ZNF148: variants seen among roughly 807,000 people sequenced by gnomAD.
ZNF148 encodes Beta-Enolase Repressor Factor-1.
In ZNF148, 7 loss-of-function variants were observed where a neutral mutation model predicts 67.7. The observed-to-expected ratio is 0.10, with a 90% CI of 0.06 to 0.19. The LOEUF is 0.19. Among genes scored for constraint, ZNF148 ranks in the 10% least tolerant of loss-of-function variants. The pLI, the probability that ZNF148 is intolerant of heterozygous loss-of-function variation, is 1.00. For missense variants in ZNF148, 583 were observed against 947.1 expected, an observed-to-expected ratio of 0.62 and a Z score of 5.05; for synonymous variants, 333 against 330.7, an observed-to-expected ratio of 1.01 and a Z score of -0.08.
intron 5 of ZNF148, among the ~76,000 whole-genome samples, chr3:125,282,631 A>T (rs1350559645): frequency 6.6e-6 from 1 of 152,154 alleles, no homozygotes; most frequent in African/African-American, 2.4e-5. Flanking sequence ...TATCAAATGG[A>T]ATTTCTCAGT....
chr3:125,310,503 A>G (rs1416060050), intron 4 of ZNF148, among the ~76,000 whole-genome samples: 1 of 152,210 alleles, frequency 6.6e-6, no homozygotes, highest in African/African-American at 2.4e-5. Flanking sequence ...GTATGAATGC[A>G]TATATTAGAA....
chr3:125,252,321 T>C (rs956495270), intron 7 of ZNF148, among the ~76,000 whole-genome samples: 2 of 152,152 alleles, frequency 1.3e-5, no homozygotes, highest in Non-Finnish European at 2.9e-5. Flanking sequence ...AGTTGTGACA[T>C]TATTCTCTGA....
intron 7 of ZNF148, among the ~76,000 whole-genome samples, chr3:125,255,141 A>G (rs1357132141): frequency 1.3e-5 from 2 of 151,914 alleles, no homozygotes; most frequent in Admixed American, 6.6e-5. Flanking sequence ...TCAGACTACA[A>G]ATATTTTAAG....
intron 1 of ZNF148, among the ~76,000 whole-genome samples, chr3:125,354,756 T>C (rs1227517402): frequency 6.6e-6 from 1 of 152,236 alleles, no homozygotes; most frequent in Admixed American, 6.5e-5. Flanking sequence ...AAAAATTGTA[T>C]GTGGTCTTTT....
intron 4 of ZNF148, among the ~76,000 whole-genome samples, chr3:125,296,093 A>G (rs1272333709): frequency 6.6e-6 from 1 of 151,536 alleles, no homozygotes; most frequent in East Asian, 1.9e-4. Context: ...CTGCCTTTCA[A>G]TATATCATCC....
At chr3:125,272,470 T>C (rs1033370689) in intron 7 of ZNF148, among the ~76,000 whole-genome samples, 6 of 152,226 alleles carry the variant, frequency 3.9e-5, no homozygotes, top group Admixed American at 1.3e-4. Context: ...AATTGAAAAC[T>C]GGGCAACTTT....
intron 3 of ZNF148, among the ~76,000 whole-genome samples, chr3:125,320,605 A>G (rs768264055): frequency 3.3e-5 from 5 of 152,210 alleles, no homozygotes; most frequent in Non-Finnish European, 5.9e-5. Flanking sequence ...TTCTGAACCT[A>G]ATCATCATCG....
intron 7 of ZNF148, among the ~76,000 whole-genome samples, chr3:125,252,766 CAAAAA>C (rs35108764): frequency 5.7e-5 from 7 of 123,856 alleles, no homozygotes; most frequent in Non-Finnish European, 8.4e-5. Context: ...GACTCTGTCT[CAAAAA>C]AAAAAAAAAA....
At chr3:125,265,385 T>C (rs1240787466) in intron 7 of ZNF148, among the ~76,000 whole-genome samples, 2 of 152,246 alleles carry the variant, frequency 1.3e-5, no homozygotes, top group African/African-American at 4.8e-5. Flanking sequence ...AGCCAGTCTC[T>C]AGCATTTTTG....
intron 7 of ZNF148, among the ~76,000 whole-genome samples, chr3:125,252,352 A>G (rs1936875450): frequency 2.2e-5 from 2 of 91,238 alleles, no homozygotes; most frequent in Non-Finnish European, 6.8e-5. Flanking sequence ...TAGAAGTTTC[A>G]TTATTAAAAA....
At chr3:125,344,409 C>T in intron 1 of ZNF148, 4 of 720,126 alleles carry the variant, frequency 5.6e-6, no homozygotes, top group Middle Eastern at 3.9e-4. Flanking sequence ...TTGGCCTCCT[C>T]AGGGACCCCA....
chr3:125,307,461 C>G (rs1233929141), intron 4 of ZNF148, among the ~76,000 whole-genome samples: 2 of 152,120 alleles, frequency 1.3e-5, no homozygotes, highest in Non-Finnish European at 2.9e-5. Context: ...TGCTACCACG[C>G]CCGGCTAATT....
At chr3:125,255,830 T>G (rs1937048809) in intron 7 of ZNF148, among the ~76,000 whole-genome samples, 1 of 152,118 alleles carries the variant, frequency 6.6e-6, no homozygotes, top group East Asian at 1.9e-4. Flanking sequence ...TTCTTACTGG[T>G]TCTTTGAGGA....
chr3:125,256,753 T>C (rs1182260473), intron 7 of ZNF148, among the ~76,000 whole-genome samples: 4 of 152,162 alleles, frequency 2.6e-5, no homozygotes, highest in Non-Finnish European at 4.4e-5. Context: ...AAATTATCCT[T>C]TCCTACTAGT....
At chr3:125,290,500 A>G (rs536855429) in intron 4 of ZNF148, among the ~76,000 whole-genome samples, 1 of 152,278 alleles carries the variant, frequency 6.6e-6, no homozygotes, top group South Asian at 2.1e-4. Context: ...TCTTACTTTT[A>G]TATTTAACTA....
Position 125,288,184 on chromosome 3 carries a change from T to A in ZNF148, c.378A>T (p.Gln126His). The A allele has an allele frequency of 1.2e-6, 2 of 1,613,800 alleles. No homozygotes were observed. Among genetic ancestry groups the A allele is most frequent in the Non-Finnish European group, 1.7e-6 (2 of 1,179,856 alleles). The part of the protein sequence containing the change: ...QEITFTDVSE[Q>H]LMRDKKQIRE... ...TGATTTGTTTTTTGTCTCTCATCAG[T>A]TGCTCAGATACATCAGTAAAAGTAA... The change falls in exon 5 of 9, where the codon CAA (glutamine) becomes CAT (histidine). Residue 126 changes from glutamine (Q) to histidine (H), a missense_variant. Around this residue, in one of 5 missense-constraint regions of ZNF148, gnomAD observed 150 missense variants for 202.5 expected, o/e 0.74. Transcript: ENST00000360647.
chr3:125,299,606 A>T (rs1392606226), intron 4 of ZNF148, among the ~76,000 whole-genome samples: 2 of 152,258 alleles, frequency 1.3e-5, no homozygotes, highest in African/African-American at 4.8e-5. Flanking sequence ...TGGGTCAAAC[A>T]ACCTTAAGAA....
intron 7 of ZNF148, among the ~76,000 whole-genome samples, chr3:125,267,046 C>T (rs1182360694): frequency 1.4e-5 from 2 of 145,890 alleles, no homozygotes; most frequent in Non-Finnish European, 1.5e-5. Flanking sequence ...AAAATTAAAT[C>T]ACTAATAAAA....
intron 2 of ZNF148, among the ~76,000 whole-genome samples, chr3:125,326,610 CATATAT>C (rs1055775978): frequency 6.7e-5 from 10 of 149,238 alleles, no homozygotes; most frequent in African/African-American, 1.5e-4. Flanking sequence ...TGCAAAGATA[CATATAT>C]ATATAAAGGA....
Sources: gnomAD v4.1 joint callset for allele counts (sites outside exome capture counted in the v4.1 genomes callset) on GRCh38, gnomAD v4.1.1 for gene constraint, gnomAD v4.1.1 regional missense constraint, MANE v1.5 for transcripts, NCBI Gene and HGNC (gene_info 2026-07-23, HGNC 2026-07-21) for gene names.